Variants in SVIP observed in about 807,000 individuals in gnomAD.
SVIP encodes the protein small VCP/p97-interacting protein.
A neutral mutation model predicts 12.9 loss-of-function variants in SVIP; 14 were observed. That is an observed-to-expected ratio of 1.08 (90% CI 0.72 to 1.70). The LOEUF is 1.70. Ranked by LOEUF, SVIP falls within the 40% of genes most tolerant of loss-of-function variation. SVIP has a pLI of 0.00. For synonymous variants in SVIP, 35 were observed against 33.3 expected, an observed-to-expected ratio of 1.05 and a Z score of -0.17; for missense variants, 93 against 90.8, an observed-to-expected ratio of 1.02 and a Z score of -0.10.
At chr11:22,826,169 C>T (rs912466472) in intron 3 of SVIP, among the ~76,000 whole-genome samples, 4 of 152,052 alleles carry the variant, frequency 2.6e-5, no homozygotes, top group Non-Finnish European at 4.4e-5. Context: ...AATTTTCATT[C>T]GTTAAATGAT....
At chr11:22,829,397 G>C in intron 1 of SVIP, 4 of 335,630 alleles carry the variant, frequency 1.2e-5, no homozygotes, top group Non-Finnish European at 2.2e-5. Context: ...CGCCCTCTGC[G>C]TGCGCCGGCG....
intron 3 of SVIP, 50 bp from the exon 4 acceptor site, chr11:22,823,183 A>G (rs561753485): frequency 3.1e-5 from 42 of 1,364,926 alleles, no homozygotes; most frequent in East Asian, 9.2e-5. Flanking sequence ...TTGAAGTTAT[A>G]TAACAGTACT....
At chr11:22,829,450 A>G in intron 1 of SVIP, 1 of 429,268 alleles carries the variant, frequency 2.3e-6, no homozygotes, top group Non-Finnish European at 4.2e-6. Flanking sequence ...GGAAGGTAGA[A>G]AGACGCCACA....
In SVIP at chr11:22,827,266, T is replaced by G. The variant is rs1564907384; in HGVS notation, c.160A>C (p.Lys54Gln). ...GCAATTTGTTTTTCTATTTTTTCCT[T>G]TTTCTTTCTCTTTTCTTGCACAGAT... ...VQSVQEKRKK[K>Q]EKIEKQIATS... Residue 54 changes from lysine to glutamine, a missense_variant, in exon 3 of 4, where the codon AAG becomes CAG. Transcript: ENST00000354193. The G allele has an allele frequency of 3.1e-6, 5 of 1,611,018 alleles. No individual in the cohort carries two copies. The highest frequency in any genetic ancestry group is 4.2e-6 in the Non-Finnish European group (5 of 1,179,020).
chr11:22,829,612 G>T, intron 1 of SVIP, 83 bp downstream of exon 1: 1 of 1,426,498 alleles, frequency 7.0e-7, no homozygotes, highest in Non-Finnish European at 9.6e-7. Context: ...GCGCCACCAG[G>T]TACAATGGCT....
At position 22,822,479 on chromosome 11, in the gene SVIP, GCAAA is replaced by G. The variant is rs1857521190; in HGVS notation, c.*636_*639del. The G allele has an allele frequency of 6.6e-5, 10 of 152,064 alleles. No homozygotes were observed. The Middle Eastern group carries it at 0.014, about 207-fold the overall frequency. 9.4% of individuals were successfully genotyped at this position (152,064 alleles called of 1,614,324 possible). A position where few individuals can be genotyped will look rare whatever the true frequency, so the allele number is the denominator to read the frequency against. On this transcript the variant is annotated 3_prime_UTR_variant, in exon 4 of 4. Transcript: ENST00000354193. ...TCACTAATATATAATTTTAAATTCA[GCAAA>G]CAAAAAATCCTTTATCATAAAGTAA...
intron 1 of SVIP, among the ~76,000 whole-genome samples, chr11:22,828,653 A>C (rs1198323697): frequency 6.6e-6 from 1 of 152,042 alleles, no homozygotes; most frequent in Non-Finnish European, 1.5e-5. Context: ...TAGTATGAGG[A>C]TGGGGGGGAG....
chr11:22,829,742 G>C lies in SVIP; in HGVS notation c.7C>G (p.Leu3Val). 6.2e-7 allele frequency: 1 copy of C among 1,606,872 alleles called. No individual in the cohort carries two copies. The highest frequency in any genetic ancestry group is 8.5e-7 in the Non-Finnish European group (1 of 1,177,488). Residue 3 changes from leucine (L) to valine (V), a missense_variant, in exon 1 of 4, where the codon CTG becomes GTG. By Grantham distance (32) the Leu-to-Val change is conservative (BLOSUM62 1). Coordinates refer to ENST00000354193, the MANE Select transcript of SVIP (RefSeq NM_148893.3). ...GACTCCCCGGGACAAGGAAAACACAGCCCCATAGGGACGACAGCTTGAGAA... is the reference window on the plus strand; with the variant it reads ...GACTCCCCGGGACAAGGAAAACACACCCCCATAGGGACGACAGCTTGAGAA... MGLCFPCPGESAP... is the reference protein window; with the variant it reads MGVCFPCPGESAP...
rs1334141906 is a variant in SVIP at position 22,819,223 on chromosome 11, T to C, written c.*3896A>G. 1.3e-5 allele frequency: 2 copies of C among 152,222 alleles called. No homozygotes were observed. Among genetic ancestry groups the C allele is most frequent in the African/African-American group, 4.8e-5 (2 of 41,454 alleles). 9.4% of individuals were successfully genotyped at this position (152,222 alleles called of 1,614,324 possible). A position where few individuals can be genotyped will look rare whatever the true frequency, so the allele number is the denominator to read the frequency against. On this transcript the variant is annotated 3_prime_UTR_variant, in exon 4 of 4. Transcript: ENST00000354193. The stretch of plus-strand genomic sequence containing the variant: ...ATCTGTTACATTTATAATGTAACTA[T>C]GTCTAAGAAATATAGACAGAGAAAA...
intron 3 of SVIP, 125 bp downstream of exon 3, chr11:22,827,082 C>G: frequency 4.2e-6 from 3 of 714,016 alleles, no homozygotes; most frequent in Non-Finnish European, 7.3e-6. Context: ...ATTTACTACT[C>G]ATGCTTTTAA....
chr11:22,828,638 G>C (rs1164753203), intron 1 of SVIP, among the ~76,000 whole-genome samples: 2 of 152,078 alleles, frequency 1.3e-5, no homozygotes, highest in Non-Finnish European at 2.9e-5. Flanking sequence ...CAAGGGAAGA[G>C]GGTATAGTAT....
chr11:22,823,819 G>A (rs1309734124), intron 3 of SVIP, among the ~76,000 whole-genome samples: 1 of 152,174 alleles, frequency 6.6e-6, no homozygotes, highest in Non-Finnish European at 1.5e-5. Context: ...TAACCTCGCA[G>A]GCTCAAGTCA....
rs746765774 is a variant in SVIP at position 22,822,734 on chromosome 11, G to A, written c.*385C>T. On this transcript the variant is annotated 3_prime_UTR_variant, in exon 4 of 4. Coordinates refer to ENST00000354193, the MANE Select transcript of SVIP (RefSeq NM_148893.3). The stretch of plus-strand genomic sequence containing the variant: ...AGTGAAATAAAAACAGATGTAACGC[G>A]ATGCAGCACAAATATAAGTAGTTAG... 7 of 164,942 alleles carry A rather than the reference G, an allele frequency of 4.2e-5. No individual in the cohort carries two copies. The highest frequency in any genetic ancestry group is 3.1e-4 in the Admixed American group (5 of 16,116). 10.2% of individuals were successfully genotyped at this position (164,942 alleles called of 1,614,324 possible).
At chr11:22,828,668 T>A (rs960859275) in intron 1 of SVIP, among the ~76,000 whole-genome samples, 62 of 152,220 alleles carry the variant, frequency 4.1e-4, no homozygotes, top group African/African-American at 1.4e-3. Flanking sequence ...GGGGAGGGCT[T>A]AACAAATCTG....
chr11:22,823,231 T>C (rs550476028), intron 3 of SVIP, 98 bp from the exon 4 acceptor site: 71 of 826,912 alleles, frequency 8.6e-5, no homozygotes, highest in Middle Eastern at 3.7e-4. Flanking sequence ...ATATGGGACA[T>C]AGAAATACAA....
rs1264244153 is a variant in SVIP, at chr11:22,820,803, T to A, written c.*2316A>T. 1 of 152,128 alleles carries A rather than the reference T, an allele frequency of 6.6e-6. No homozygotes were observed. The highest frequency in any genetic ancestry group is 1.5e-5 in the Non-Finnish European group (1 of 68,018). The allele number at this position is 152,128 out of a possible 1,614,324, so 9.4% of individuals were successfully genotyped here. ...ATTCACAACTTTTGTTAGCAGCCGT[T>A]AAGTTTGATTAGTATTAAGCAGCAA... On this transcript the variant is annotated 3_prime_UTR_variant, in exon 4 of 4. Coordinates refer to ENST00000354193, the MANE Select transcript of SVIP (RefSeq NM_148893.3).
At chr11:22,828,968 CA>C (rs1474057744) in intron 1 of SVIP, among the ~76,000 whole-genome samples, 1 of 152,150 alleles carries the variant, frequency 6.6e-6, no homozygotes, top group Non-Finnish European at 1.5e-5. Context: ...ACCACACACC[CA>C]CTAGCTACAT....
At chr11:22,824,474 GTATA>G (rs200020697) in intron 3 of SVIP, among the ~76,000 whole-genome samples, 13 of 138,248 alleles carry the variant, frequency 9.4e-5, no homozygotes, top group South Asian at 2.4e-4. Flanking sequence ...ATATATATAC[GTATA>G]TATATATGTA....
Position 22,819,277 on chromosome 11 carries a change from G to C in SVIP, c.*3842C>G, listed in dbSNP as rs1471070409. 1 of 152,122 alleles carries C rather than the reference G, an allele frequency of 6.6e-6. No homozygotes were observed. Among genetic ancestry groups the C allele is most frequent in the Non-Finnish European group, 1.5e-5 (1 of 68,028 alleles). The allele number at this position is 152,122 out of a possible 1,614,324, so 9.4% of individuals were successfully genotyped here. A position where few individuals can be genotyped will look rare whatever the true frequency, so the allele number is the denominator to read the frequency against. ...CATTTTAGGAGTTTGATAGGAAAAG[G>C]AGTTTAGCATAACTCCTTGATATCT... is the stretch of plus-strand genomic sequence containing the variant. On this transcript the variant is annotated 3_prime_UTR_variant, in exon 4 of 4. Coordinates refer to ENST00000354193, the MANE Select transcript of SVIP (RefSeq NM_148893.3).
Sources: allele counts gnomAD v4.1 joint callset (sites outside exome capture counted in the v4.1 genomes callset), GRCh38; gene constraint gnomAD v4.1.1; transcripts MANE v1.5; gene names NCBI Gene and HGNC (gene_info 2026-07-23, HGNC 2026-07-21).